The following TRIM2 variants were observed in gnomAD, a reference collection of about 807,000 sequenced individuals.
TRIM2 encodes tripartite motif-containing protein 2.
A neutral mutation model predicts 75.2 loss-of-function variants in TRIM2; 20 were observed. The ratio of observed to expected loss-of-function variants is 0.27; its 90% CI spans 0.19 to 0.39. The LOEUF is 0.39. TRIM2 is among the 10% of genes least tolerant of loss of function. TRIM2 has a pLI of 1.00. For synonymous variants in TRIM2, 373 were observed against 388.3 expected, an observed-to-expected ratio of 0.96 and a Z score of 0.46; for missense variants, 660 against 990.8, an observed-to-expected ratio of 0.67 and a Z score of 4.48.
intron 1 of TRIM2, among the ~76,000 whole-genome samples, chr4:153,218,120 A>G (rs1043016481): frequency 1.3e-5 from 2 of 152,258 alleles, no homozygotes; most frequent in African/African-American, 4.8e-5. Flanking sequence ...TAGAGACTAT[A>G]AATGGTAATA....
upstream of TRIM2, among the ~76,000 whole-genome samples, chr4:153,199,623 T>G (rs542410394): frequency 5.3e-4 from 80 of 152,260 alleles, no homozygotes; most frequent in South Asian, 4.6e-3. Flanking sequence ...GAAAACAGCA[T>G]TCTTCCTTAC....
chr4:153,332,549 G>C (rs1771708711), intron 11 of TRIM2, among the ~76,000 whole-genome samples: 1 of 152,008 alleles, frequency 6.6e-6, no homozygotes, highest in Non-Finnish European at 1.5e-5. Context: ...GGAGGCTGAG[G>C]CAGGAGAATC....
At chr4:153,169,078 A>C (rs946799992) in intron 1 of TRIM2, among the ~76,000 whole-genome samples, 7 of 113,660 alleles carry the variant, frequency 6.2e-5, no homozygotes, top group African/African-American at 2.1e-4. Context: ...GACTTATCTC[A>C]AAAAAAAAAG....
intron 1 of TRIM2, among the ~76,000 whole-genome samples, chr4:153,174,642 C>T (rs1731228774): frequency 6.6e-6 from 1 of 152,210 alleles, no homozygotes; most frequent in African/African-American, 2.4e-5. Flanking sequence ...ACCAATTATT[C>T]ATCTCACTGA....
chr4:153,179,338 TTTA>T (rs1434329640), intron 1 of TRIM2, among the ~76,000 whole-genome samples: 22 of 150,054 alleles, frequency 1.5e-4, no homozygotes, highest in African/African-American at 5.1e-4. Flanking sequence ...AATAAATTAT[TTTA>T]TTGATATTAA....
Position 153,337,981 on chromosome 4 carries a change from CTGTT to C in TRIM2, c.*3018_*3021del. 4.1e-6 allele frequency: 4 copies of C among 985,808 alleles called. No individual in the cohort carries two copies. The highest frequency in any genetic ancestry group is 4.8e-6 in the Non-Finnish European group (4 of 829,926). The allele number at this position is 985,808 out of a possible 1,614,324, so 61.1% of individuals were successfully genotyped here. On this transcript the variant is annotated 3_prime_UTR_variant, in exon 12 of 12. Coordinates refer to ENST00000338700, the MANE Select transcript of TRIM2 (RefSeq NM_015271.5). ...ATACATGACTACAAGTCCTTTATGA[CTGTT>C]TGCCATTTTTTTTAATGGTACTTAG...
At chr4:153,167,199 T>C (rs1269362685) in intron 1 of TRIM2, among the ~76,000 whole-genome samples, 1 of 152,250 alleles carries the variant, frequency 6.6e-6, no homozygotes, top group Non-Finnish European at 1.5e-5. Context: ...ATTTGGATTT[T>C]ATTTCTTTTC....
At chr4:153,242,838 G>T (rs1245117673) in intron 1 of TRIM2, among the ~76,000 whole-genome samples, 1 of 152,182 alleles carries the variant, frequency 6.6e-6, no homozygotes, top group Non-Finnish European at 1.5e-5. Context: ...GGCATGGTGG[G>T]GGCTGGGATC....
chr4:153,251,118 G>T (rs1750773476), intron 1 of TRIM2, among the ~76,000 whole-genome samples: 1 of 152,158 alleles, frequency 6.6e-6, no homozygotes, highest in Non-Finnish European at 1.5e-5. Context: ...TTTTAAGGAT[G>T]CTTAAGAGAA....
intron 1 of TRIM2, among the ~76,000 whole-genome samples, chr4:153,172,352 TA>T (rs1730974778): frequency 6.6e-6 from 1 of 152,110 alleles, no homozygotes; most frequent in Non-Finnish European, 1.5e-5. Context: ...CGCGCCCGGC[TA>T]ATTTTTTGTA....
chr4:153,289,983 TA>T (rs1761501790), intron 3 of TRIM2, among the ~76,000 whole-genome samples: 1 of 152,226 alleles, frequency 6.6e-6, no homozygotes, highest in Admixed American at 6.5e-5. Flanking sequence ...CAACCTGCTT[TA>T]AAGAGACCTC....
chr4:153,226,581 G>A (rs1742187113), intron 1 of TRIM2, among the ~76,000 whole-genome samples: 1 of 152,236 alleles, frequency 6.6e-6, no homozygotes, highest in Non-Finnish European at 1.5e-5. Flanking sequence ...AATGTCTGCT[G>A]TTTGAGGGAC....
chr4:153,229,815 T>C (rs1225889780), intron 1 of TRIM2, among the ~76,000 whole-genome samples: 3 of 152,238 alleles, frequency 2.0e-5, no homozygotes, highest in Non-Finnish European at 4.4e-5. Context: ...GTATACTCCA[T>C]GCTAAAACTA....
intron 1 of TRIM2, among the ~76,000 whole-genome samples, chr4:153,171,840 C>CTT (rs398064151): frequency 8.7e-6 from 1 of 114,802 alleles, no homozygotes; most frequent in African/African-American, 3.5e-5. Flanking sequence ...CGTTTTGGGG[C>CTT]TTTTTTTTTT....
At chr4:153,285,014 C>T (rs1198811336) in intron 3 of TRIM2, among the ~76,000 whole-genome samples, 12 of 152,090 alleles carry the variant, frequency 7.9e-5, no homozygotes, top group Admixed American at 7.9e-4. Flanking sequence ...GAATCCATTG[C>T]TGATTCAAGG....
intron 10 of TRIM2, among the ~76,000 whole-genome samples, chr4:153,326,896 G>A (rs952570311): frequency 2.0e-5 from 3 of 150,116 alleles, no homozygotes; most frequent in Non-Finnish European, 4.4e-5. Flanking sequence ...CAGGAGAATT[G>A]CTTGAACCAG....
At chr4:153,208,635 T>G (rs78739191) in intron 1 of TRIM2, among the ~76,000 whole-genome samples, 3,232 of 152,188 alleles carry the variant, frequency 0.021, 116 homozygotes, top group African/African-American at 0.073. Flanking sequence ...GCAAGTCACT[T>G]ACCCTCTCCA....
intron 3 of TRIM2, among the ~76,000 whole-genome samples, chr4:153,290,466 T>C (rs561419236): frequency 9.8e-5 from 15 of 152,330 alleles, no homozygotes; most frequent in Admixed American, 3.9e-4. Context: ...ATATTGCCCC[T>C]CAGCGAATAA....
intron 6 of TRIM2, among the ~76,000 whole-genome samples, chr4:153,307,227 A>T (rs1209504070): frequency 1.3e-5 from 2 of 152,204 alleles, no homozygotes; most frequent in Admixed American, 6.5e-5. Context: ...TAGCTATTAT[A>T]CTAAAAAGAG....
Sources: allele counts gnomAD v4.1 joint callset (sites outside exome capture counted in the v4.1 genomes callset), GRCh38; gene constraint gnomAD v4.1.1; transcripts MANE v1.5; gene names NCBI Gene and HGNC (gene_info 2026-07-23, HGNC 2026-07-21).